Variants in FTCDNL1 observed in about 807,000 individuals in gnomAD.
FTCDNL1 encodes formiminotransferase N-terminal subdomain-containing protein.
FTCDNL1 carries 11 observed loss-of-function variants against 5.9 expected under a neutral mutation model. The ratio of observed to expected loss-of-function variants is 1.87; its 90% CI spans 1.18 to 3.10. FTCDNL1 has a LOEUF of 3.10. FTCDNL1 is among the 30% of genes most tolerant of loss of function. The probability of loss-of-function intolerance (pLI) is 0.00; values close to 1 mark genes in which losing one functional copy is unlikely to be tolerated. For synonymous variants in FTCDNL1, 58 were observed against 24.8 expected (o/e 2.34, Z -3.99); for missense variants, 115 against 65.5 (o/e 1.76, Z -2.61).
At chr2:199,737,954 T>C in the FTCDNL1 span, among the ~76,000 whole-genome samples, 3 of 152,182 alleles carry the variant, frequency 2.0e-5, no homozygotes, top group African/African-American at 7.2e-5. Flanking sequence ...TTCCTGTCTG[T>C]TGGGGAAGCT....
At chr2:199,718,375 A>G in the FTCDNL1 span, among the ~76,000 whole-genome samples, 2 of 152,144 alleles carry the variant, frequency 1.3e-5, no homozygotes, top group Non-Finnish European at 2.9e-5. Flanking sequence ...AAAAGACATG[A>G]TTTTATTCTT....
intron 3 of FTCDNL1, among the ~76,000 whole-genome samples, chr2:199,842,937 A>AC (rs946639492): frequency 7.8e-6 from 1 of 127,730 alleles, no homozygotes; most frequent in Non-Finnish European, 1.8e-5. Context: ...GCATGCTGTT[A>AC]CAAAAAAAAA....
chr2:199,768,449 A>C (rs1387153873), intron 3 of FTCDNL1, among the ~76,000 whole-genome samples: 1 of 152,244 alleles, frequency 6.6e-6, no homozygotes, highest in African/African-American at 2.4e-5. Flanking sequence ...GCCATTTTAC[A>C]GTCATCTCAA....
the FTCDNL1 span, among the ~76,000 whole-genome samples, chr2:199,744,478 A>T: frequency 1.3e-5 from 2 of 152,138 alleles, no homozygotes; most frequent in African/African-American, 4.8e-5. Flanking sequence ...AGAGAGAGAA[A>T]AGGCCATGTG....
intron 3 of FTCDNL1, among the ~76,000 whole-genome samples, chr2:199,842,766 G>T (rs978785622): frequency 6.6e-6 from 1 of 151,986 alleles, no homozygotes; most frequent in Non-Finnish European, 1.5e-5. Context: ...TATGTCACTG[G>T]GATGCTATTT....
intron 3 of FTCDNL1, among the ~76,000 whole-genome samples, chr2:199,766,745 T>C (rs1359559305): frequency 2.6e-5 from 4 of 152,196 alleles, no homozygotes; most frequent in Non-Finnish European, 4.4e-5. Flanking sequence ...CTGCTATGTA[T>C]GCAGATAGTA....
the FTCDNL1 span, among the ~76,000 whole-genome samples, chr2:199,742,777 T>C: frequency 6.6e-6 from 1 of 152,092 alleles, no homozygotes; most frequent in South Asian, 2.1e-4. Context: ...CGGTTTCTAG[T>C]CAAACAAGGA....
the FTCDNL1 span, among the ~76,000 whole-genome samples, chr2:199,729,673 C>T: frequency 6.6e-6 from 1 of 152,120 alleles, no homozygotes. Context: ...TCAAGGAGAA[C>T]TACAAACCAC....
chr2:199,841,462 A>G (rs2076586249), intron 3 of FTCDNL1, among the ~76,000 whole-genome samples: 1 of 152,116 alleles, frequency 6.6e-6, no homozygotes, highest in African/African-American at 2.4e-5. Context: ...AAATAAATAT[A>G]GACTAGATCT....
intron 3 of FTCDNL1, among the ~76,000 whole-genome samples, chr2:199,770,264 T>C (rs1159357995): frequency 6.6e-6 from 1 of 152,174 alleles, no homozygotes; most frequent in Non-Finnish European, 1.5e-5. Flanking sequence ...ACATTTATCT[T>C]AAGAGAGCAT....
the FTCDNL1 span, among the ~76,000 whole-genome samples, chr2:199,711,058 G>T: frequency 6.6e-6 from 1 of 152,018 alleles, no homozygotes; most frequent in Admixed American, 6.6e-5. Context: ...GTCACATTAA[G>T]AAATAGATAT....
chr2:199,678,566 ATTAAT>A, the FTCDNL1 span, among the ~76,000 whole-genome samples: 1 of 152,068 alleles, frequency 6.6e-6, no homozygotes, highest in Admixed American at 6.6e-5. Flanking sequence ...AAGATAATCT[ATTAAT>A]TTAAATATAG....
intron 3 of FTCDNL1, among the ~76,000 whole-genome samples, chr2:199,795,479 T>TGG (rs1465951277): frequency 2.0e-5 from 3 of 152,338 alleles, no homozygotes; most frequent in African/African-American, 7.2e-5. Context: ...ACATGGTACT[T>TGG]ACATCATATG....
At chr2:199,848,477 G>A (rs950671631) in intron 2 of FTCDNL1, among the ~76,000 whole-genome samples, 1 of 152,154 alleles carries the variant, frequency 6.6e-6, no homozygotes. Flanking sequence ...CATAAGGTAC[G>A]ATTATGCTCA....
At chr2:199,799,993 G>A (rs559617703) in intron 3 of FTCDNL1, among the ~76,000 whole-genome samples, 2 of 151,984 alleles carry the variant, frequency 1.3e-5, no homozygotes, top group Admixed American at 6.6e-5. Context: ...CTCCATGGAG[G>A]TTACAGGATA....
chr2:199,766,559 A>C (rs986820802), intron 3 of FTCDNL1, among the ~76,000 whole-genome samples: 4 of 152,240 alleles, frequency 2.6e-5, no homozygotes, highest in Non-Finnish European at 2.9e-5. Context: ...AGAAATATGT[A>C]GATAATCACA....
chr2:199,717,422 T>C, the FTCDNL1 span, among the ~76,000 whole-genome samples: 3 of 152,160 alleles, frequency 2.0e-5, no homozygotes, highest in East Asian at 1.9e-4. Flanking sequence ...TATGTTTCTT[T>C]GTTGTTAACT....
intron 3 of FTCDNL1, among the ~76,000 whole-genome samples, chr2:199,761,505 A>G (rs1001682171): frequency 6.6e-6 from 1 of 152,180 alleles, no homozygotes; most frequent in Non-Finnish European, 1.5e-5. Flanking sequence ...CATCTCAGTG[A>G]GTACATGCCT....
the FTCDNL1 span, among the ~76,000 whole-genome samples, chr2:199,730,325 GC>G: frequency 6.6e-6 from 1 of 152,100 alleles, no homozygotes; most frequent in Non-Finnish European, 1.5e-5. Context: ...TGCAACGAAA[GC>G]AAAAATTGAC....
Sources: gnomAD v4.1 joint callset for allele counts (sites outside exome capture counted in the v4.1 genomes callset) on GRCh38, gnomAD v4.1.1 for gene constraint, MANE v1.5 for transcripts, NCBI Gene and HGNC (gene_info 2026-07-23, HGNC 2026-07-21) for gene names.